CCDC57: variants seen among roughly 807,000 people sequenced by gnomAD.
The protein encoded by CCDC57 is coiled-coil domain containing 57, also known as coiled-coil domain-containing protein 57.
In CCDC57, 118 loss-of-function variants were observed where a neutral mutation model predicts 118.9. That is an observed-to-expected ratio of 0.99 (90% CI 0.86 to 1.16). The LOEUF (loss-of-function observed/expected upper bound fraction) is 1.16, where lower values mean the gene tolerates loss of function less well. Ranked by LOEUF, CCDC57 falls within the 50% of genes most tolerant of loss-of-function variation. CCDC57 has a pLI of 0.00. For synonymous variants in CCDC57, 527 were observed against 532.9 expected (o/e 0.99, Z 0.15); for missense variants, 1,300 against 1,320.7 (o/e 0.98, Z 0.24).
intron 4 of CCDC57, among the ~76,000 whole-genome samples, chr17:82,197,038 T>C (rs1191879131): frequency 7.1e-6 from 1 of 141,116 alleles, no homozygotes; most frequent in Non-Finnish European, 1.5e-5. Context: ...TCATGACTCC[T>C]GCAGAGATGC....
At chr17:82,202,734 TA>T (rs772554557) in intron 2 of CCDC57, among the ~76,000 whole-genome samples, 42 of 151,974 alleles carry the variant, frequency 2.8e-4, no homozygotes, top group Non-Finnish European at 5.4e-4. Flanking sequence ...TGGGCGACAC[TA>T]AGACTCTTTT....
chr17:82,173,238 C>T (rs760279043), intron 11 of CCDC57, among the ~76,000 whole-genome samples: 9 of 152,096 alleles, frequency 5.9e-5, no homozygotes, highest in Non-Finnish European at 8.8e-5. Context: ...CGTGTGAATG[C>T]GCTTCATGCT....
In CCDC57 at chr17:82,148,050, G is replaced by A. The variant is rs1207878451; in HGVS notation, c.2455+3510C>T. On this transcript the variant is annotated intron_variant, in intron 16 of 19. Transcript: ENST00000665763. ...GGATGGATGGTAGATGGATGGGTGG[G>A]TGGGTGGATGGATGGATGGGTGGGT... Among the ~76,000 whole-genome samples the A allele has an allele frequency of 4.7e-5, 6 of 128,758 alleles. No individual in the cohort carries two copies. The South Asian group carries it at 1.2e-3, about 27-fold the overall frequency. 84.5% of individuals were successfully genotyped at this position (128,758 alleles called of 152,430 possible).
intron 16 of CCDC57, among the ~76,000 whole-genome samples, chr17:82,139,480 C>T (rs2039729989): frequency 6.6e-6 from 1 of 152,138 alleles, no homozygotes; most frequent in Non-Finnish European, 1.5e-5. Context: ...CTCAGCCTTT[C>T]GAGTAGCTGG....
At chr17:82,183,823 C>G (rs1328002600) in exon 9 of CCDC57, 3 of 1,602,684 alleles carry the variant, frequency 1.9e-6, no homozygotes, top group Admixed American at 3.5e-5. Context: ...AGCTTCACCT[C>G]TTCTTCCTGC....
chr17:82,201,746 G>C, exon 3 of CCDC57: 2 of 1,613,962 alleles, frequency 1.2e-6, no homozygotes, highest in Non-Finnish European at 1.7e-6. Context: ...TCGAGGTCCC[G>C]CTCCTCCAGC....
At chr17:82,107,895 G>A (rs1007627471) in intron 19 of CCDC57, among the ~76,000 whole-genome samples, 1 of 152,196 alleles carries the variant, frequency 6.6e-6, no homozygotes, top group Non-Finnish European at 1.5e-5. Flanking sequence ...TCTAAAGAAA[G>A]GGGGTGGGCT....
At chr17:82,136,525 T>C (rs1359214277) in intron 16 of CCDC57, among the ~76,000 whole-genome samples, 5 of 151,430 alleles carry the variant, frequency 3.3e-5, no homozygotes, top group Admixed American at 6.6e-5. Flanking sequence ...TGCACTGAAC[T>C]GTATACTTTG....
intron 15 of CCDC57, chr17:82,157,509 C>T: frequency 7.0e-7 from 1 of 1,423,440 alleles, no homozygotes; most frequent in South Asian, 1.5e-5. Context: ...CGTCCCGCCC[C>T]CCACCAACGG....
At chr17:82,210,699 T>TAAA (rs749668557) in intron 1 of CCDC57, among the ~76,000 whole-genome samples, 1 of 90,606 alleles carries the variant, frequency 1.1e-5, no homozygotes, top group Admixed American at 1.1e-4. Flanking sequence ...TAAAATTAAT[T>TAAA]AAAAAAAAAA....
rs2047767504 is a variant in CCDC57, at chr17:82,192,308, A to G, written c.851+1448T>C. ...TCTAGCTAGCATTACTTTAAGAATC[A>G]GCATAGGATACACACAACATGCCCA... On this transcript the variant is annotated intron_variant, in intron 7 of 19. Transcript: ENST00000665763. The surrounding 1 kb of genome is among the most constrained non-coding windows in gnomAD (Gnocchi z 4.0). Among the ~76,000 whole-genome samples, 1 of 152,188 alleles carries G rather than the reference A, an allele frequency of 6.6e-6. No individual in the cohort carries two copies. Among genetic ancestry groups the G allele is most frequent in the Non-Finnish European group, 1.5e-5 (1 of 68,032 alleles).
intron 17 of CCDC57, among the ~76,000 whole-genome samples, chr17:82,133,557 T>C (rs2038737978): frequency 7.1e-6 from 1 of 141,172 alleles, no homozygotes. Context: ...CAATTTGTAA[T>C]GAAAAAATAA....
chr17:82,113,560 A>G (rs562601084), intron 19 of CCDC57: 5 of 717,656 alleles, frequency 7.0e-6, no homozygotes, highest in East Asian at 2.7e-5. Context: ...AGCTGCCTCC[A>G]TTCATTCCCC....
At chr17:82,147,280 AGATGAATGGATG>A (rs1338627582) in intron 16 of CCDC57, among the ~76,000 whole-genome samples, 3 of 116,542 alleles carry the variant, frequency 2.6e-5, no homozygotes, top group Admixed American at 2.1e-4. Context: ...ATGCAAAGAT[AGATGAATGGATG>A]GATGAATGGG....
Position 82,212,130 on chromosome 17 carries a change from A to G in CCDC57, c.-211+655T>C, listed in dbSNP as rs2050210722. Among the ~76,000 whole-genome samples, 5 of 152,206 alleles carry G rather than the reference A, an allele frequency of 3.3e-5. No homozygotes were observed. Among genetic ancestry groups the G allele is most frequent in the Admixed American group, 3.3e-4 (5 of 15,278 alleles). Reference sequence around the variant, plus strand: ...CGCTGGCAATACAGGACTCCTGAGTAGTCTCAGAGTGTGGCGTTCTCTCTA... The same window carrying G: ...CGCTGGCAATACAGGACTCCTGAGTGGTCTCAGAGTGTGGCGTTCTCTCTA... On this transcript the variant is annotated intron_variant, in intron 1 of 19. Transcript: ENST00000665763. This position sits in a 1 kb window ranked among gnomAD's most constrained non-coding sequence, Gnocchi z 4.1.
At chr17:82,102,267 C>CG (rs1568126305) in intron 19 of CCDC57, among the ~76,000 whole-genome samples, 1 of 152,196 alleles carries the variant, frequency 6.6e-6, no homozygotes, top group African/African-American at 2.4e-5. Flanking sequence ...CAGGCTGCCC[C>CG]GGGTGTCCCT....
At chr17:82,173,579 G>A (rs1030516309) in intron 11 of CCDC57, among the ~76,000 whole-genome samples, 7 of 152,190 alleles carry the variant, frequency 4.6e-5, no homozygotes, top group Admixed American at 3.3e-4. Context: ...CACAGATGAC[G>A]AAGCAAATGA....
At chr17:82,162,362 C>A (rs924977340) in intron 14 of CCDC57, among the ~76,000 whole-genome samples, 1 of 152,180 alleles carries the variant, frequency 6.6e-6, no homozygotes, top group African/African-American at 2.4e-5. Flanking sequence ...GCAGTCAAAC[C>A]GAGGTAGTGA....
At chr17:82,171,585 C>T in intron 13 of CCDC57, 116 bp downstream of exon 12, 3 of 1,138,588 alleles carry the variant, frequency 2.6e-6, no homozygotes, top group South Asian at 3.2e-5. Context: ...CTGGATGACG[C>T]CGCCCCAACG....
Sources: gnomAD v4.1 joint callset for allele counts (sites outside exome capture counted in the v4.1 genomes callset) on GRCh38, gnomAD v4.1.1 for gene constraint, Gnocchi (gnomAD v3.1) non-coding constraint, MANE v1.5 for transcripts, NCBI Gene and HGNC (gene_info 2026-07-23, HGNC 2026-07-21) for gene names.